The following PTGR3 variants were observed in gnomAD, a reference collection of about 807,000 sequenced individuals.
PTGR3 encodes the protein prostaglandin reductase 3, also known as zinc binding alcohol dehydrogenase domain containing 2.
At chr18:75,199,157 G>A in the PTGR3 span, 76 of 152,708 alleles carry the variant, frequency 5.0e-4, no homozygotes, top group East Asian at 9.6e-4. Context: ...AATCCTGGGC[G>A]TTTGAATTTT....
chr18:75,197,071 T>G, the PTGR3 span: 1 of 152,162 alleles, frequency 6.6e-6, no homozygotes, highest in Admixed American at 6.6e-5. Flanking sequence ...CATTCCATAG[T>G]TTGTTCATGG....
the PTGR3 span, among the ~76,000 whole-genome samples, chr18:75,205,858 C>A: frequency 6.6e-6 from 1 of 152,086 alleles, no homozygotes; most frequent in African/African-American, 2.4e-5. Context: ...AACACTGTTC[C>A]CCTTCCGTAA....
chr18:75,209,128 C>G, the PTGR3 span: 1 of 1,290,404 alleles, frequency 7.7e-7, no homozygotes, highest in South Asian at 2.2e-5. The surrounding 1 kb of genome is among the most constrained non-coding windows in gnomAD (Gnocchi z 4.7). Context: ...CCGCTCGGCT[C>G]GGCTGTGCTC....
the PTGR3 span, among the ~76,000 whole-genome samples, chr18:75,203,178 C>T: frequency 1.4e-4 from 22 of 152,042 alleles, no homozygotes; most frequent in Admixed American, 7.2e-4. Context: ...TCTTGGTATC[C>T]GGAGTCAATT....
the PTGR3 span, among the ~76,000 whole-genome samples, chr18:75,204,813 G>C: frequency 6.6e-6 from 1 of 152,132 alleles, no homozygotes; most frequent in Admixed American, 6.5e-5. Flanking sequence ...TCGTCCCAGC[G>C]CCGGCCGCGC....
chr18:75,197,436 GA>G, the PTGR3 span: 1 of 152,044 alleles, frequency 6.6e-6, no homozygotes, highest in Non-Finnish European at 1.5e-5. Flanking sequence ...GAAAAAAAAT[GA>G]AAACAAACTT....
chr18:75,203,000 G>GA, the PTGR3 span, among the ~76,000 whole-genome samples: 1 of 152,224 alleles, frequency 6.6e-6, no homozygotes, highest in Non-Finnish European at 1.5e-5. Flanking sequence ...CATCCAGTGT[G>GA]AAAATACGCA....
chr18:75,202,477 A>C, the PTGR3 span: 1,326 of 694,398 alleles, frequency 1.9e-3, 15 homozygotes, highest in African/African-American at 0.021. Flanking sequence ...ATTTGAGAAA[A>C]TTAGTCCTGC....
chr18:75,201,157 G>T, the PTGR3 span: 168 of 451,598 alleles, frequency 3.7e-4, 3 homozygotes, highest in South Asian at 6.1e-3. Context: ...CATCTGGAAC[G>T]AGACCATCCA....
At chr18:75,207,524 G>C in the PTGR3 span, among the ~76,000 whole-genome samples, 6 of 152,048 alleles carry the variant, frequency 3.9e-5, no homozygotes, top group African/African-American at 1.2e-4. Flanking sequence ...ATCCCATAAT[G>C]AATCAATCCT....
At chr18:75,209,014 C>T in the PTGR3 span, 3 of 1,585,502 alleles carry the variant, frequency 1.9e-6, no homozygotes, top group Non-Finnish European at 2.6e-6. The surrounding 1 kb of genome is among the most constrained non-coding windows in gnomAD (Gnocchi z 4.7). Context: ...GGGCGTACGA[C>T]ATGTCCACGA....
At chr18:75,203,373 G>A in the PTGR3 span, among the ~76,000 whole-genome samples, 1 of 152,140 alleles carries the variant, frequency 6.6e-6, no homozygotes, top group Non-Finnish European at 1.5e-5. Flanking sequence ...AATAGTAACT[G>A]GTGGAGGAGG....
the PTGR3 span, chr18:75,205,211 A>G: frequency 2.0e-6 from 2 of 985,390 alleles, no homozygotes; most frequent in African/African-American, 3.5e-5. Flanking sequence ...GAGGGTCCGC[A>G]GCTCGCGCCT....
At chr18:75,208,682 C>T in the PTGR3 span, among the ~76,000 whole-genome samples, 12 of 152,198 alleles carry the variant, frequency 7.9e-5, no homozygotes, top group African/African-American at 1.2e-4. Flanking sequence ...TCGCCTTCGC[C>T]AGATGGCGGC....
At chr18:75,208,516 G>A in the PTGR3 span, 1 of 1,060,556 alleles carries the variant, frequency 9.4e-7, no homozygotes, top group Non-Finnish European at 1.1e-6. Context: ...CCGGCGGGGA[G>A]CCTCCCCTTC....
chr18:75,203,595 A>G, the PTGR3 span, among the ~76,000 whole-genome samples: 2 of 152,290 alleles, frequency 1.3e-5, no homozygotes, highest in South Asian at 4.2e-4. Context: ...GCTTTCTGTT[A>G]TGTCAAGCTG....
At chr18:75,205,190 T>TA in the PTGR3 span, 1 of 985,494 alleles carries the variant, frequency 1.0e-6, no homozygotes, top group Non-Finnish European at 1.2e-6. Flanking sequence ...CCTGAGTCCT[T>TA]ACCTCTGCGT....
the PTGR3 span, chr18:75,196,632 C>CAAAAAAAAA: frequency 2.5e-4 from 18 of 72,198 alleles, 1 homozygote; most frequent in African/African-American, 1.1e-3. Flanking sequence ...GGTCTTGTCC[C>CAAAAAAAAA]AAAAAAAAAA....
At chr18:75,201,253 A>AGAG in the PTGR3 span, 38 of 578,796 alleles carry the variant, frequency 6.6e-5, no homozygotes, top group Admixed American at 4.4e-4. Context: ...CCCCAAGGGA[A>AGAG]GAGGAGGAGG....
Sources: gnomAD v4.1 joint callset for allele counts (sites outside exome capture counted in the v4.1 genomes callset) on GRCh38, gnomAD v4.1.1 for gene constraint, Gnocchi (gnomAD v3.1) non-coding constraint, MANE v1.5 for transcripts, NCBI Gene and HGNC (gene_info 2026-07-23, HGNC 2026-07-21) for gene names.